The following FGF13 variants were observed in gnomAD, a reference collection of about 807,000 sequenced individuals.
The protein encoded by FGF13 is fibroblast growth factor homologous factor 2.
FGF13 carries 2 observed loss-of-function variants against 19.5 expected under a neutral mutation model. That is an observed-to-expected ratio of 0.10 (90% CI 0.04 to 0.32). FGF13 has a LOEUF of 0.32. Ranked by LOEUF, FGF13 falls within the 10% of genes least tolerant of loss-of-function variation. FGF13 has a pLI of 1.00. For synonymous variants in FGF13, 72 were observed against 76.9 expected (o/e 0.94, Z 0.33); for missense variants, 113 against 192.7 (o/e 0.59, Z 2.45).
At chrX:138,816,380 G>A (rs1175613701) in intron 3 of FGF13, among the ~76,000 whole-genome samples, 3 of 111,904 alleles carry the variant, frequency 2.7e-5, no homozygotes, top group African/African-American at 6.5e-5. Flanking sequence ...CCTATTGCTG[G>A]TAGAAATATA....
chrX:138,642,086 C>T (rs1020283955), intron 3 of FGF13, among the ~76,000 whole-genome samples: 1 of 109,868 alleles, frequency 9.1e-6, no homozygotes, highest in Non-Finnish European at 1.9e-5. Context: ...AAGTCAGAAA[C>T]TTGCCTGTGA....
At chrX:139,159,650 G>C (rs868108224) in intron 1 of FGF13, among the ~76,000 whole-genome samples, 1 of 20,444 alleles carries the variant, frequency 4.9e-5, no homozygotes, top group Non-Finnish European at 7.9e-5. Context: ...CAAGCAAAGA[G>C]AAAGCAAAAA....
intron 3 of FGF13, among the ~76,000 whole-genome samples, chrX:138,764,236 G>A (rs1268265725): frequency 8.9e-6 from 1 of 112,077 alleles, no homozygotes; most frequent in Non-Finnish European, 1.9e-5. Flanking sequence ...ACCTCAACAC[G>A]AGGGGCTGCT....
chrX:138,818,762 C>T (rs1165751706), intron 3 of FGF13, among the ~76,000 whole-genome samples: 1 of 110,864 alleles, frequency 9.0e-6, no homozygotes, highest in African/African-American at 3.3e-5. Context: ...TTTGGGAGGG[C>T]TGTCATTTTT....
intron 1 of FGF13, among the ~76,000 whole-genome samples, chrX:139,025,374 A>T (rs1348544146): frequency 9.0e-6 from 1 of 111,319 alleles, no homozygotes; most frequent in African/African-American, 3.3e-5. Context: ...ATCAATCCCC[A>T]TTCCTTCCAA....
intron 1 of FGF13, among the ~76,000 whole-genome samples, chrX:139,127,361 A>G (rs759239692): frequency 1.8e-5 from 2 of 111,907 alleles, no homozygotes; most frequent in South Asian, 7.6e-4. Context: ...AGCCCTGGGA[A>G]GATCTAGAAC....
At chrX:139,145,615 C>T (rs926300114) in intron 1 of FGF13, among the ~76,000 whole-genome samples, 1 of 109,937 alleles carries the variant, frequency 9.1e-6, no homozygotes, top group Non-Finnish European at 1.9e-5. Flanking sequence ...CCACCAGCAC[C>T]GGTCCCTTTC....
chrX:138,759,416 TC>T (rs1397841567), intron 3 of FGF13, among the ~76,000 whole-genome samples: 2 of 112,493 alleles, frequency 1.8e-5, no homozygotes, highest in Admixed American at 1.9e-4. Flanking sequence ...TCCAGACACC[TC>T]AAGTGTGCTT....
At chrX:138,916,088 A>C (rs746073191) in intron 1 of FGF13, among the ~76,000 whole-genome samples, 1 of 111,884 alleles carries the variant, frequency 8.9e-6, no homozygotes, top group Non-Finnish European at 1.9e-5. Flanking sequence ...GTGTTGCATA[A>C]AGGTGCCTCC....
rs1373018849 is a variant in FGF13, at chrX:139,190,135, A to AT, written c.-113+13280dup. Reference sequence around the variant, plus strand: ...ACTGTAAACATCCCAAGAAAAGCTTATTAATAACAGCCACCCACAAAGGAC... The same window carrying AT: ...ACTGTAAACATCCCAAGAAAAGCTTATTTAATAACAGCCACCCACAAAGGAC... On this transcript the variant is annotated intron_variant, in intron 1 of 2. Coordinates refer to the FGF13 transcript ENST00000421460. Among the ~76,000 whole-genome samples, 3 of 112,137 alleles carry AT rather than the reference A, an allele frequency of 2.7e-5. 1 individual carries two copies. Among genetic ancestry groups the AT allele is most frequent in the African/African-American group, 9.7e-5 (3 of 30,856 alleles).
intron 1 of FGF13, among the ~76,000 whole-genome samples, chrX:139,176,322 A>G (rs1396669960): frequency 9.3e-6 from 1 of 107,494 alleles, no homozygotes; most frequent in Non-Finnish European, 1.9e-5. Context: ...CTAGTGGTCT[A>G]TCTATCTTGT....
chrX:138,843,353 A>G (rs189365532), intron 3 of FGF13, among the ~76,000 whole-genome samples: 5 of 112,365 alleles, frequency 4.4e-5, no homozygotes, highest in African/African-American at 1.6e-4. Context: ...GTTAGCTCAC[A>G]TGTTCCACTA....
chrX:139,026,430 T>C (rs925870866), intron 1 of FGF13, among the ~76,000 whole-genome samples: 1 of 112,303 alleles, frequency 8.9e-6, no homozygotes, highest in Non-Finnish European at 1.9e-5. Context: ...AAAAAATGTT[T>C]ACTGAATTCA....
At chrX:138,776,539 C>T (rs1343579999) in intron 3 of FGF13, among the ~76,000 whole-genome samples, 1 of 112,189 alleles carries the variant, frequency 8.9e-6, no homozygotes, top group Non-Finnish European at 1.9e-5. Flanking sequence ...AAAGGCCTCA[C>T]AACTGGTAAG....
intron 1 of FGF13, among the ~76,000 whole-genome samples, chrX:139,028,648 TGTGAGA>T (rs746981621): frequency 3.9e-5 from 2 of 51,805 alleles, no homozygotes; most frequent in African/African-American, 1.5e-4. Context: ...TGTGTGTGTG[TGTGAGA>T]GAGAGAGAGA....
At position 138,760,861 on chromosome X, in the gene FGF13, T is replaced by C. The variant is rs779487621; in HGVS notation, c.218-51933A>G. 2.5e-4 allele frequency among the ~76,000 whole-genome samples: 28 copies of C among 111,767 alleles called. No homozygotes were observed. The South Asian group carries it at 9.9e-3, about 39-fold the overall frequency. On this transcript the variant is annotated intron_variant, in intron 3 of 6. Coordinates refer to the FGF13 transcript ENST00000436198. ...ATCTAAACTGTTAACCTAGGTTCTC[T>C]AACATCTCACCATAAGAGGTGCCTA... is the stretch of plus-strand genomic sequence containing the variant.
At chrX:138,995,473 G>C (rs1234844243) in intron 1 of FGF13, among the ~76,000 whole-genome samples, 1 of 110,814 alleles carries the variant, frequency 9.0e-6, no homozygotes, top group East Asian at 2.9e-4. Flanking sequence ...CTTCCCAACA[G>C]CCCTCCCCCA....
chrX:138,816,572 G>C (rs2090963069), intron 3 of FGF13, among the ~76,000 whole-genome samples: 1 of 112,380 alleles, frequency 8.9e-6, no homozygotes. Flanking sequence ...GTACTATAGA[G>C]TACTGTTTTT....
At chrX:138,701,653 T>G (rs1303485212) in intron 3 of FGF13, among the ~76,000 whole-genome samples, 1 of 112,487 alleles carries the variant, frequency 8.9e-6, no homozygotes, top group East Asian at 2.8e-4. Flanking sequence ...TGAAACAAAC[T>G]ACCTGATTTA....
Sources: allele counts gnomAD v4.1 joint callset (sites outside exome capture counted in the v4.1 genomes callset), GRCh38; gene constraint gnomAD v4.1.1; transcripts MANE v1.5; gene names NCBI Gene and HGNC (gene_info 2026-07-23, HGNC 2026-07-21).